The following MKLN1 variants were observed in gnomAD, a reference collection of about 807,000 sequenced individuals.
MKLN1 encodes the protein muskelin.
MKLN1 carries 18 observed loss-of-function variants against 99.0 expected under a neutral mutation model. That is an observed-to-expected ratio of 0.18 (90% CI 0.13 to 0.27). The LOEUF (loss-of-function observed/expected upper bound fraction) is 0.27, where lower values mean the gene tolerates loss of function less well. Among genes scored for constraint, MKLN1 ranks in the 10% least tolerant of loss-of-function variants. MKLN1 has a pLI of 1.00. For synonymous variants in MKLN1, 288 were observed against 293.2 expected (o/e 0.98, Z 0.18); for missense variants, 621 against 875.9 (o/e 0.71, Z 3.67).
chr7:131,476,562 G>A (rs995945261), intron 16 of MKLN1, among the ~76,000 whole-genome samples: 1 of 152,162 alleles, frequency 6.6e-6, no homozygotes, highest in Non-Finnish European at 1.5e-5. Flanking sequence ...TATCAAATGG[G>A]TAGAATGAGT....
intron 12 of MKLN1, among the ~76,000 whole-genome samples, chr7:131,458,012 A>G (rs889595531): frequency 1.3e-5 from 2 of 152,234 alleles, no homozygotes; most frequent in African/African-American, 4.8e-5. Flanking sequence ...GAAAGAGCTC[A>G]TAGTGTACCA....
chr7:131,324,079 G>T (rs997369521), upstream of MKLN1, among the ~76,000 whole-genome samples: 1 of 152,136 alleles, frequency 6.6e-6, no homozygotes, highest in Non-Finnish European at 1.5e-5. Flanking sequence ...CCAAACCCCT[G>T]GTTCTGAGGC....
At chr7:131,158,667 A>C (rs781197345) in intron 2 of MKLN1, among the ~76,000 whole-genome samples, 1 of 152,048 alleles carries the variant, frequency 6.6e-6, no homozygotes, top group African/African-American at 2.4e-5. Context: ...AAGTATTCTT[A>C]TTTTCTGTAT....
intron 1 of MKLN1, among the ~76,000 whole-genome samples, chr7:131,357,427 A>G (rs929062095): frequency 6.6e-6 from 1 of 152,132 alleles, no homozygotes; most frequent in Non-Finnish European, 1.5e-5. Flanking sequence ...TGCATACTGT[A>G]CTTTGGAAAG....
Position 131,493,642 on chromosome 7 carries a change from C to G in MKLN1, c.*5914C>G. The G allele has an allele frequency of 6.6e-6, 1 of 152,198 alleles. No individual in the cohort carries two copies. Among genetic ancestry groups the G allele is most frequent in the Non-Finnish European group, 1.5e-5 (1 of 68,034 alleles). 9.4% of individuals were successfully genotyped at this position (152,198 alleles called of 1,614,324 possible). On this transcript the variant is annotated 3_prime_UTR_variant, in exon 18 of 18. Coordinates refer to ENST00000352689, the MANE Select transcript of MKLN1 (RefSeq NM_013255.5). ...TCTAGATCTTAAACTAGGTGAGCAG[C>G]TTCTTACATACAACCAGTTCCTTGT...
intron 3 of MKLN1, among the ~76,000 whole-genome samples, chr7:131,276,192 G>A (rs1797972565): frequency 1.3e-5 from 2 of 152,158 alleles, no homozygotes; most frequent in African/African-American, 4.8e-5. Context: ...CCTTTATTCT[G>A]GGCCTGTTGC....
At chr7:131,175,065 TGG>T in intron 2 of MKLN1, among the ~76,000 whole-genome samples, 1 of 150,792 alleles carries the variant, frequency 6.6e-6, no homozygotes, top group East Asian at 2.0e-4. Flanking sequence ...GATGGATGGA[TGG>T]ATGGATGGAT....
intron 3 of MKLN1, among the ~76,000 whole-genome samples, chr7:131,218,380 C>A (rs552716371): frequency 6.6e-6 from 1 of 152,310 alleles, no homozygotes; most frequent in East Asian, 1.9e-4. Flanking sequence ...TGTCACAATT[C>A]TAACCTTGTG....
intron 3 of MKLN1, among the ~76,000 whole-genome samples, chr7:131,228,543 T>C (rs73491132): frequency 0.029 from 4,379 of 152,300 alleles, 194 homozygotes; most frequent in African/African-American, 0.099. Flanking sequence ...TAGGGGTTTT[T>C]CCCTAATTCT....
intron 12 of MKLN1, among the ~76,000 whole-genome samples, chr7:131,454,446 G>A (rs1180312917): frequency 6.6e-6 from 1 of 152,182 alleles, no homozygotes; most frequent in African/African-American, 2.4e-5. Context: ...AATAATAGAA[G>A]TTAGTTCTGA....
chr7:131,217,256 T>A (rs1022748539), intron 3 of MKLN1, among the ~76,000 whole-genome samples: 1 of 152,188 alleles, frequency 6.6e-6, no homozygotes. Context: ...AAAAATAAAT[T>A]ATTTTTTTCA....
At chr7:131,358,574 T>C (rs1799944572) in intron 1 of MKLN1, among the ~76,000 whole-genome samples, 2 of 152,206 alleles carry the variant, frequency 1.3e-5, no homozygotes, top group Admixed American at 6.5e-5. Context: ...TCCTCTGCTA[T>C]TCTTTTCTGA....
intron 1 of MKLN1, among the ~76,000 whole-genome samples, chr7:131,123,551 G>C (rs1397629023): frequency 6.6e-6 from 1 of 152,208 alleles, no homozygotes; most frequent in Non-Finnish European, 1.5e-5. Context: ...GTGGTGGCCT[G>C]TGACGAGGCA....
intron 3 of MKLN1, among the ~76,000 whole-genome samples, chr7:131,236,426 C>A (rs1323662897): frequency 6.6e-6 from 1 of 152,052 alleles, no homozygotes; most frequent in Non-Finnish European, 1.5e-5. Flanking sequence ...TTTGGAAGGC[C>A]AAGGTAGGCA....
rs963646115 is a variant in MKLN1, at chr7:131,492,376, T to A, written c.*4648T>A. ...AGTTGCCATGAAATGATTGCTTTTC[T>A]TTTTCTTTTTTTTTCCTTAAATAAA... is the stretch of plus-strand genomic sequence containing the variant. On this transcript the variant is annotated 3_prime_UTR_variant, in exon 18 of 18. Transcript: ENST00000352689. 1 of 152,182 alleles carries A rather than the reference T, an allele frequency of 6.6e-6. No homozygotes were observed. Among genetic ancestry groups the A allele is most frequent in the African/African-American group, 2.4e-5 (1 of 41,434 alleles). The allele number at this position is 152,182 out of a possible 1,614,324, so 9.4% of individuals were successfully genotyped here.
chr7:131,133,776 T>C (rs1042365388), intron 1 of MKLN1, among the ~76,000 whole-genome samples: 1 of 144,746 alleles, frequency 6.9e-6, no homozygotes. Flanking sequence ...CATAAGCCAC[T>C]ACACCCGGCC....
At chr7:131,236,657 T>G (rs1427284901) in intron 3 of MKLN1, among the ~76,000 whole-genome samples, 3 of 151,824 alleles carry the variant, frequency 2.0e-5, no homozygotes, top group Admixed American at 2.0e-4. Context: ...TGAGATTCCA[T>G]CTCAAAAAAA....
intron 8 of MKLN1, among the ~76,000 whole-genome samples, chr7:131,418,512 C>CA (rs879025636): frequency 2.0e-5 from 3 of 151,498 alleles, no homozygotes; most frequent in Non-Finnish European, 2.9e-5. Context: ...AAAAAAATCA[C>CA]AAAAAAAGTC....
rs34068431 is a variant in MKLN1 at position 131,425,292 on chromosome 7, CT to C, written c.848-3731del. 1.2e-4 allele frequency among the ~76,000 whole-genome samples: 18 copies of C among 148,912 alleles called. No individual in the cohort carries two copies. In the East Asian group the frequency reaches 2.8e-3, roughly 23 times the overall value. ...CTTTTTACTCTGTTTGAAAAGCCCT[CT>C]TTTTTTTTTGTTCTGTATCCTGCCT... is the stretch of plus-strand genomic sequence containing the variant. On this transcript the variant is annotated intron_variant, in intron 8 of 17. Transcript: ENST00000352689.
Sources: gnomAD v4.1 joint callset for allele counts (sites outside exome capture counted in the v4.1 genomes callset) on GRCh38, gnomAD v4.1.1 for gene constraint, MANE v1.5 for transcripts, NCBI Gene and HGNC (gene_info 2026-07-23, HGNC 2026-07-21) for gene names.